GPATCH1: variants seen among roughly 807,000 people sequenced by gnomAD.
GPATCH1 encodes the protein G-patch domain containing 1.
Under a neutral mutation model 114.9 loss-of-function variants are expected in GPATCH1, and 73 were observed. That is an observed-to-expected ratio of 0.64 (90% CI 0.53 to 0.77). The LOEUF is 0.77. Ranked by LOEUF, GPATCH1 falls within the 30% of genes least tolerant of loss-of-function variation. The pLI is 0.00. For synonymous variants in GPATCH1, 391 were observed against 428.4 expected (o/e 0.91, Z 1.08); for missense variants, 1,058 against 1,144.3 (o/e 0.92, Z 1.09).
intron 4 of GPATCH1, among the ~76,000 whole-genome samples, 165 bp downstream of exon 4, chr19:33,093,684 C>T (rs1162454303): frequency 6.6e-6 from 1 of 152,120 alleles, no homozygotes; most frequent in Non-Finnish European, 1.5e-5. Context: ...TGTCATTGCA[C>T]GGAGAGATTA....
chr19:33,124,416 C>A (rs1421325160), intron 17 of GPATCH1, among the ~76,000 whole-genome samples: 1 of 152,060 alleles, frequency 6.6e-6, no homozygotes, highest in African/African-American at 2.4e-5. Flanking sequence ...GGTCAAGGAT[C>A]CTCCTGCCTG....
chr19:33,119,028 A>G lies in GPATCH1; in HGVS notation c.2432A>G (p.Gln811Arg), dbSNP rs1972946740. 6.2e-7 allele frequency: 1 copy of G among 1,611,980 alleles called. No individual in the cohort carries two copies. Among genetic ancestry groups the G allele is most frequent in the South Asian group, 1.1e-5 (1 of 90,962 alleles). Residue 811 changes from glutamine (Q) to arginine (R), a missense_variant, in exon 17 of 20, where the codon CAG becomes CGG. Physicochemically the swap from Gln to Arg is conservative, Grantham distance 43. Around this residue, in one of 3 missense-constraint regions of GPATCH1, gnomAD observed 893 missense variants for 977.4 expected, o/e 0.91. Transcript: ENST00000170564. ...SVAHALVPAPQEPPPSFPIQK... is the reference protein window; with the variant it reads ...SVAHALVPAPREPPPSFPIQK... ...TTTTCAGCTCTTGTGCCAGCACCCC[A>G]GGAGCCGCCACCTTCCTTCCCGATA...
intron 19 of GPATCH1, among the ~76,000 whole-genome samples, chr19:33,128,324 G>A (rs1391383759): frequency 3.3e-5 from 5 of 152,086 alleles, no homozygotes; most frequent in Non-Finnish European, 7.4e-5. Flanking sequence ...GCAGTGGCGC[G>A]ATCTTGGCTC....
At chr19:33,112,724 C>A in intron 13 of GPATCH1, 111 bp downstream of exon 13, 1 of 722,786 alleles carries the variant, frequency 1.4e-6, no homozygotes, top group Non-Finnish European at 2.2e-6. Flanking sequence ...AACTTATTTG[C>A]ATATCACTGG....
At chr19:33,093,334 T>TA in intron 3 of GPATCH1, 25 bp from the exon 4 acceptor site, 1 of 1,535,854 alleles carries the variant, frequency 6.5e-7, no homozygotes, top group South Asian at 1.1e-5. Context: ...CCAAATAATG[T>TA]AATTCTGTTT....
At chr19:33,123,093 T>TAAAC (rs1156271766) in intron 17 of GPATCH1, among the ~76,000 whole-genome samples, 3 of 139,490 alleles carry the variant, frequency 2.2e-5, no homozygotes, top group Admixed American at 7.1e-5. Flanking sequence ...AATAAATAAA[T>TAAAC]AAATAAATAA....
rs867054885 is a variant in GPATCH1 at position 33,083,758 on chromosome 19, A to G, written c.73+2492A>G. 2.0e-5 allele frequency among the ~76,000 whole-genome samples: 3 copies of G among 152,314 alleles called. No homozygotes were observed. The South Asian group carries it at 6.2e-4, about 32-fold the overall frequency. On this transcript the variant is annotated intron_variant, in intron 1 of 19. Coordinates refer to ENST00000170564, the MANE Select transcript of GPATCH1 (RefSeq NM_018025.3). Reference sequence around the variant, plus strand: ...TTTGTAGACTTTGTTTTTCTGGACTAAAAACATTCTTTAACTTCTCAGTAA... The same window carrying G: ...TTTGTAGACTTTGTTTTTCTGGACTGAAAACATTCTTTAACTTCTCAGTAA...
chr19:33,104,749 C>T (rs1375246133), intron 9 of GPATCH1, among the ~76,000 whole-genome samples: 1 of 152,124 alleles, frequency 6.6e-6, no homozygotes, highest in Non-Finnish European at 1.5e-5. Flanking sequence ...TCAGTGCTTT[C>T]AGCCACAGGG....
chr19:33,126,855 G>A lies in GPATCH1; in HGVS notation c.2765+122G>A, dbSNP rs190429379. On this transcript the variant is annotated intron_variant, in intron 19 of 19. Transcript: ENST00000170564. ...TGGTAGGCCGGGTGCAGTGGCTCAC[G>A]CCTATAATCCCAGCACTTTGGGAGG... The A allele has an allele frequency of 1.8e-3, 1,475 of 813,802 alleles. 18 individuals are homozygous for A. In the African/African-American group the frequency reaches 0.023, roughly 13 times the overall value. 50.4% of individuals were successfully genotyped at this position (813,802 alleles called of 1,614,324 possible).
intron 3 of GPATCH1, 85 bp downstream of exon 3, chr19:33,090,950 G>T: frequency 2.6e-6 from 2 of 783,104 alleles, no homozygotes; most frequent in East Asian, 2.5e-5. Flanking sequence ...TCCCCAGAAG[G>T]TCCAATGTAC....
At chr19:33,103,310 T>C (rs1033720395) in intron 9 of GPATCH1, among the ~76,000 whole-genome samples, 4 of 152,198 alleles carry the variant, frequency 2.6e-5, no homozygotes, top group Non-Finnish European at 5.9e-5. Context: ...GCCAGCAGAA[T>C]ATATCTAGGA....
intron 8 of GPATCH1, among the ~76,000 whole-genome samples, chr19:33,100,867 A>G (rs2145316319): frequency 6.6e-6 from 1 of 152,162 alleles, no homozygotes; most frequent in Middle Eastern, 3.4e-3. Context: ...CGTGCAGGAA[A>G]ACCTTGAGAA....
intron 2 of GPATCH1, 40 bp from the exon 3 acceptor site, chr19:33,090,740 C>G: frequency 7.7e-7 from 1 of 1,295,214 alleles, no homozygotes; most frequent in Non-Finnish European, 1.1e-6. Flanking sequence ...GACCCAAATA[C>G]TCTCTAGGAT....
intron 1 of GPATCH1, among the ~76,000 whole-genome samples, chr19:33,087,331 A>G (rs758140893): frequency 1.1e-4 from 16 of 152,318 alleles, no homozygotes; most frequent in Non-Finnish European, 2.1e-4. Context: ...AATTTGTGCC[A>G]TAGTACCTGG....
chr19:33,125,867 G>A (rs1454748460), intron 18 of GPATCH1, among the ~76,000 whole-genome samples: 3 of 152,276 alleles, frequency 2.0e-5, no homozygotes, highest in East Asian at 3.9e-4. Context: ...GTCACTTGCC[G>A]TTTGAAGTAA....
At chr19:33,119,694 C>A (rs1441284148) in intron 17 of GPATCH1, among the ~76,000 whole-genome samples, 144 of 122,432 alleles carry the variant, frequency 1.2e-3, no homozygotes, top group African/African-American at 5.2e-3. Flanking sequence ...TGAGACTCTG[C>A]CTCAAAAAAA....
intron 5 of GPATCH1, among the ~76,000 whole-genome samples, 172 bp from the exon 6 acceptor site, chr19:33,095,590 C>T (rs1052478162): frequency 6.6e-5 from 10 of 151,392 alleles, no homozygotes; most frequent in Non-Finnish European, 1.0e-4. Flanking sequence ...TTTGTGGAGG[C>T]GGAATCTCAC....
At chr19:33,117,732 AT>A (rs1256321651) in intron 15 of GPATCH1, 92 bp from the exon 16 acceptor site, 1 of 865,128 alleles carries the variant, frequency 1.2e-6, no homozygotes, top group Admixed American at 1.8e-5. Flanking sequence ...GAGCATAAAC[AT>A]AAATATGTGT....
chr19:33,088,995 A>G (rs1599850384), intron 2 of GPATCH1, among the ~76,000 whole-genome samples: 1 of 152,046 alleles, frequency 6.6e-6, no homozygotes, highest in Non-Finnish European at 1.5e-5. Context: ...TGTTCTTTGG[A>G]TATTTGGATG....
Sources: allele counts gnomAD v4.1 joint callset (sites outside exome capture counted in the v4.1 genomes callset), GRCh38; gene constraint gnomAD v4.1.1; regional missense constraint gnomAD v4.1.1; transcripts MANE v1.5; gene names NCBI Gene and HGNC (gene_info 2026-07-23, HGNC 2026-07-21).